Variants in GATAD2B observed in about 807,000 individuals in gnomAD.
GATAD2B encodes the protein GATA zinc finger domain containing 2B.
GATAD2B carries 8 observed loss-of-function variants against 64.3 expected under a neutral mutation model. The observed-to-expected ratio is 0.12, with a 90% CI of 0.07 to 0.22. The LOEUF (loss-of-function observed/expected upper bound fraction) is 0.22. Ranked by LOEUF, GATAD2B falls within the 10% of genes least tolerant of loss-of-function variation. The pLI is 1.00. For missense variants in GATAD2B, 453 were observed against 752.0 expected, an observed-to-expected ratio of 0.60 and a Z score of 4.65; for synonymous variants, 281 against 271.3, an observed-to-expected ratio of 1.04 and a Z score of -0.35.
intron 1 of GATAD2B, among the ~76,000 whole-genome samples, chr1:153,864,434 T>C (rs779551867): frequency 3.9e-5 from 6 of 152,122 alleles, no homozygotes; most frequent in Admixed American, 1.3e-4. Flanking sequence ...CTGGGCAATA[T>C]AGGGAGACCT....
intron 1 of GATAD2B, among the ~76,000 whole-genome samples, chr1:153,886,745 G>C (rs1323914522): frequency 6.6e-6 from 1 of 151,078 alleles, no homozygotes; most frequent in East Asian, 1.9e-4. Flanking sequence ...ATTTTTAGTA[G>C]AGACGGGGTT....
At chr1:153,828,627 C>T (rs1358562289) in intron 1 of GATAD2B, among the ~76,000 whole-genome samples, 1 of 152,046 alleles carries the variant, frequency 6.6e-6, no homozygotes, top group South Asian at 2.1e-4. Context: ...TGACACGTGC[C>T]CTTAATTCTA....
chr1:153,855,200 T>TA (rs1676040315), intron 1 of GATAD2B, among the ~76,000 whole-genome samples: 1 of 149,334 alleles, frequency 6.7e-6, no homozygotes, highest in Admixed American at 6.8e-5. Flanking sequence ...TTTTGAAACG[T>TA]AACTGTAGCA....
Position 153,833,351 on chromosome 1 carries a change from TG to T in GATAD2B, c.-1-5004del, listed in dbSNP as rs1331256787. Among the ~76,000 whole-genome samples the T allele has an allele frequency of 7.2e-5, 11 of 152,354 alleles. No homozygotes were observed. In the South Asian group the frequency reaches 2.3e-3, roughly 32 times the overall value. ...TTTTAAGCTCATGGCTGAGATCTAC[TG>T]CTCAGAAAAAAGATCCCTTTCAAAA... On this transcript the variant is annotated intron_variant, in intron 1 of 10. Transcript: ENST00000368655.
rs773476338 is a variant in GATAD2B at position 153,811,996 on chromosome 1, T to G, written c.1530+26A>C. 2.8e-6 allele frequency: 4 copies of G among 1,433,066 alleles called. No homozygotes were observed. In the South Asian group the frequency reaches 4.6e-5, roughly 17 times the overall value. 88.8% of individuals were successfully genotyped at this position (1,433,066 alleles called of 1,614,324 possible). ...ATGGCTGATAAATCTTCTAAAGAAA[T>G]CAGGATCAGGCAAAAAGTTCCTTAC... On this transcript the variant is annotated intron_variant, in intron 9 of 10. Transcript: ENST00000368655.
rs530654952 is a variant in GATAD2B, at chr1:153,871,846, G to A, written c.-1-43498C>T. Among the ~76,000 whole-genome samples the A allele has an allele frequency of 3.9e-5, 6 of 152,250 alleles. No homozygotes were observed. In the East Asian group the frequency reaches 1.2e-3, roughly 29 times the overall value. ...GTGCCTGTAGTCCCAACTACTTGGG[G>A]GGCTGAGGCAGGAGGATCACTTGAA... On this transcript the variant is annotated intron_variant, in intron 1 of 10. Transcript: ENST00000368655.
intron 1 of GATAD2B, among the ~76,000 whole-genome samples, chr1:153,859,383 T>C (rs1676194121): frequency 7.1e-6 from 1 of 141,726 alleles, no homozygotes; most frequent in South Asian, 2.2e-4. Context: ...AAAAAGACCA[T>C]GCAAGGCGAG....
chr1:153,870,854 A>C (rs1028352320), intron 1 of GATAD2B, among the ~76,000 whole-genome samples: 2 of 152,180 alleles, frequency 1.3e-5, no homozygotes, highest in East Asian at 3.9e-4. Context: ...GGGATACTCA[A>C]ACCTGTGTAT....
At chr1:153,853,187 T>C (rs1675966695) in intron 1 of GATAD2B, 2 of 1,235,492 alleles carry the variant, frequency 1.6e-6, no homozygotes, top group Non-Finnish European at 2.4e-6. Flanking sequence ...CAACTGCAAT[T>C]TGCAGCTCTA....
At chr1:153,903,372 T>C (rs1368349455) in intron 1 of GATAD2B, among the ~76,000 whole-genome samples, 1 of 152,144 alleles carries the variant, frequency 6.6e-6, no homozygotes, top group East Asian at 1.9e-4. Context: ...ACTCCAGAAA[T>C]TGGAAAAATA....
rs1285897980 is a variant in GATAD2B at position 153,809,867 on chromosome 1, G to A, written c.*310C>T. 8.1e-6 allele frequency: 2 copies of A among 247,254 alleles called. No homozygotes were observed. Among genetic ancestry groups the A allele is most frequent in the South Asian group, 1.2e-4 (1 of 8,548 alleles). 15.3% of individuals were successfully genotyped at this position (247,254 alleles called of 1,614,324 possible). ...ACAACTTTAGAAACACACATCGGAG[G>A]GCTTAGATTCTCCCCAGGACCTCAT... On this transcript the variant is annotated 3_prime_UTR_variant, in exon 11 of 11. Coordinates refer to ENST00000368655, the MANE Select transcript of GATAD2B (RefSeq NM_020699.4).
intron 1 of GATAD2B, chr1:153,889,588 CTAA>C: frequency 4.9e-6 from 1 of 202,942 alleles, no homozygotes; most frequent in Non-Finnish European, 8.7e-6. Flanking sequence ...CATAATTACA[CTAA>C]TGAGAAAGAT....
chr1:153,869,728 C>T (rs1676598569), intron 1 of GATAD2B, among the ~76,000 whole-genome samples: 1 of 152,164 alleles, frequency 6.6e-6, no homozygotes, highest in African/African-American at 2.4e-5. Flanking sequence ...CTTCCAGGCC[C>T]TTTCAGAAAA....
At chr1:153,840,014 T>G (rs1052845787) in intron 1 of GATAD2B, among the ~76,000 whole-genome samples, 2 of 149,786 alleles carry the variant, frequency 1.3e-5, no homozygotes, top group Admixed American at 6.7e-5. Flanking sequence ...TAAGTAGAAA[T>G]GAAAATACTT....
intron 8 of GATAD2B, 163 bp from the exon 9 acceptor site, chr1:153,812,295 T>C: frequency 1.7e-6 from 1 of 578,390 alleles, no homozygotes; most frequent in Non-Finnish European, 3.1e-6. Flanking sequence ...CTCCCCAAAG[T>C]GCTGGGATTA....
chr1:153,848,045 T>C (rs1675749685), intron 1 of GATAD2B, among the ~76,000 whole-genome samples: 1 of 152,216 alleles, frequency 6.6e-6, no homozygotes, highest in African/African-American at 2.4e-5. Flanking sequence ...CATGCAGCTA[T>C]CCTTTAATAA....
intron 1 of GATAD2B, among the ~76,000 whole-genome samples, chr1:153,906,514 A>T (rs534937912): frequency 1.3e-5 from 2 of 152,308 alleles, no homozygotes; most frequent in African/African-American, 4.8e-5. Flanking sequence ...AAGTAAATTT[A>T]AAAAAATGAG....
intron 1 of GATAD2B, among the ~76,000 whole-genome samples, chr1:153,834,177 T>C (rs1305673032): frequency 6.6e-6 from 1 of 151,696 alleles, no homozygotes; most frequent in Non-Finnish European, 1.5e-5. Flanking sequence ...TAATTTTTTG[T>C]ATTTTTGCTA....
intron 1 of GATAD2B, among the ~76,000 whole-genome samples, chr1:153,921,353 A>G (rs1352445972): frequency 5.9e-5 from 9 of 152,194 alleles, no homozygotes; most frequent in Admixed American, 5.9e-4. Flanking sequence ...GTACAACCAC[A>G]TGCATGCTTT....
Sources: allele counts gnomAD v4.1 joint callset (sites outside exome capture counted in the v4.1 genomes callset), GRCh38; gene constraint gnomAD v4.1.1; transcripts MANE v1.5; gene names NCBI Gene and HGNC (gene_info 2026-07-23, HGNC 2026-07-21).